Variants in CRTAC1 observed in about 807,000 individuals in gnomAD.
The protein encoded by CRTAC1 is cartilage acidic protein 1.
CRTAC1 carries 37 observed loss-of-function variants against 67.8 expected under a neutral mutation model. That is an observed-to-expected ratio of 0.55 (90% CI 0.42 to 0.72). The LOEUF (loss-of-function observed/expected upper bound fraction) is 0.72, where lower values mean the gene tolerates loss of function less well. CRTAC1 is among the 30% of genes least tolerant of loss of function. The pLI, the probability that CRTAC1 is intolerant of heterozygous loss-of-function variation, is 0.00. For synonymous variants in CRTAC1, 348 were observed against 371.0 expected, an observed-to-expected ratio of 0.94 and a Z score of 0.71; for missense variants, 780 against 931.6, an observed-to-expected ratio of 0.84 and a Z score of 2.12.
intron 8 of CRTAC1, among the ~76,000 whole-genome samples, chr10:97,898,768 T>A (rs2050495053): frequency 6.6e-6 from 1 of 151,944 alleles, no homozygotes; most frequent in South Asian, 2.1e-4. Context: ...AGTGGTGTCA[T>A]GGTGGAGAGT....
intron 5 of CRTAC1, among the ~76,000 whole-genome samples, chr10:97,909,674 C>T (rs1203852600): frequency 6.6e-6 from 1 of 152,078 alleles, no homozygotes; most frequent in Non-Finnish European, 1.5e-5. Context: ...ATAGAACTGC[C>T]ATATGATCCA....
At chr10:97,892,489 A>G (rs75465425) in intron 11 of CRTAC1, among the ~76,000 whole-genome samples, 2,838 of 152,348 alleles carry the variant, frequency 0.019, 87 homozygotes, top group African/African-American at 0.061. Context: ...AGCCACAGTC[A>G]GGAACTCAGA....
At chr10:97,997,126 C>T (rs1391886826) in intron 2 of CRTAC1, among the ~76,000 whole-genome samples, 1 of 149,344 alleles carries the variant, frequency 6.7e-6, no homozygotes, top group Non-Finnish European at 1.5e-5. Context: ...AGGAGATATA[C>T]CTAATGCTAA....
chr10:97,985,509 A>G (rs1050280349), intron 2 of CRTAC1, among the ~76,000 whole-genome samples: 2 of 152,056 alleles, frequency 1.3e-5, no homozygotes, highest in Non-Finnish European at 1.5e-5. Context: ...CCTAATGAAG[A>G]GAGCAGGTGC....
chr10:98,023,486 G>C (rs972559085), intron 1 of CRTAC1, among the ~76,000 whole-genome samples: 1 of 152,112 alleles, frequency 6.6e-6, no homozygotes, highest in Non-Finnish European at 1.5e-5. Flanking sequence ...AACAAATGAC[G>C]GTGTCTCCCT....
chr10:97,956,671 A>G (rs2051447088), intron 2 of CRTAC1, among the ~76,000 whole-genome samples: 2 of 146,106 alleles, frequency 1.4e-5, no homozygotes, highest in African/African-American at 4.9e-5. Context: ...ACTGAAATCT[A>G]CAACTGTAGG....
At chr10:97,977,959 T>A (rs889057749) in intron 2 of CRTAC1, among the ~76,000 whole-genome samples, 1 of 152,162 alleles carries the variant, frequency 6.6e-6, no homozygotes, top group Non-Finnish European at 1.5e-5. Context: ...CTTTACCACC[T>A]CTTCCTGAGG....
chr10:97,869,414 G>C (rs1564869938), intron 14 of CRTAC1: 1 of 152,500 alleles, frequency 6.6e-6, no homozygotes, highest in Non-Finnish European at 1.5e-5. Flanking sequence ...GCCAGCCAGG[G>C]ACAGGCCCCA....
intron 2 of CRTAC1, among the ~76,000 whole-genome samples, chr10:97,997,150 G>A (rs1388383472): frequency 1.2e-4 from 17 of 147,750 alleles, no homozygotes; most frequent in African/African-American, 3.5e-4. Context: ...ATGAGTTAAT[G>A]GGTGCAGCAC....
chr10:97,915,199 C>G (rs2050741647), intron 5 of CRTAC1, among the ~76,000 whole-genome samples: 1 of 152,214 alleles, frequency 6.6e-6, no homozygotes, highest in East Asian at 1.9e-4. Flanking sequence ...CCCTCACAGC[C>G]CCTCCTGTCT....
intron 1 of CRTAC1, among the ~76,000 whole-genome samples, chr10:98,028,276 T>C (rs1282229719): frequency 6.6e-6 from 1 of 152,246 alleles, no homozygotes; most frequent in East Asian, 1.9e-4. Flanking sequence ...GGCTGTAGCC[T>C]GAGCTGCCTT....
At chr10:98,026,217 G>A (rs1000495691) in intron 1 of CRTAC1, among the ~76,000 whole-genome samples, 3 of 152,174 alleles carry the variant, frequency 2.0e-5, no homozygotes, top group African/African-American at 7.2e-5. Context: ...AGCAGAGAAG[G>A]AAACTGAGGC....
chr10:97,901,396 C>A (rs947755520), intron 8 of CRTAC1, 107 bp downstream of exon 8: 48 of 1,393,764 alleles, frequency 3.4e-5, no homozygotes, highest in Non-Finnish European at 4.6e-5. Context: ...TGGCCTGACC[C>A]CCTGGCCCTG....
At chr10:97,959,873 C>T (rs1342050681) in intron 2 of CRTAC1, among the ~76,000 whole-genome samples, 1 of 152,246 alleles carries the variant, frequency 6.6e-6, no homozygotes, top group Non-Finnish European at 1.5e-5. Flanking sequence ...AGTAGTCACA[C>T]AGACAGCATT....
chr10:97,997,760 T>C (rs1235841391), intron 2 of CRTAC1, among the ~76,000 whole-genome samples: 3 of 152,146 alleles, frequency 2.0e-5, no homozygotes, highest in South Asian at 4.1e-4. Context: ...AAAAAACGGT[T>C]TTTGAAATGA....
chr10:98,009,561 C>G (rs1842867390), intron 2 of CRTAC1, among the ~76,000 whole-genome samples: 1 of 152,184 alleles, frequency 6.6e-6, no homozygotes, highest in African/African-American at 2.4e-5. Flanking sequence ...GAAAGTGGGT[C>G]TGTGTAAAGT....
chr10:97,945,986 C>A lies in CRTAC1; in HGVS notation c.225-9620G>T, dbSNP rs141616963. ...TCTTATATTTTCATGAGCATAGAGGCACACAGAAGGCAGGGACTATCCTAT... is the reference window on the plus strand; with the variant it reads ...TCTTATATTTTCATGAGCATAGAGGAACACAGAAGGCAGGGACTATCCTAT... On this transcript the variant is annotated intron_variant, in intron 2 of 14. Coordinates refer to ENST00000370597, the MANE Select transcript of CRTAC1 (RefSeq NM_018058.7). 6.7e-4 allele frequency among the ~76,000 whole-genome samples: 102 copies of A among 152,306 alleles called. 3 individuals are homozygous for A. The East Asian group carries it at 0.018, about 27-fold the overall frequency.
At chr10:98,021,332 T>A (rs7085375) in intron 1 of CRTAC1, among the ~76,000 whole-genome samples, 1,906 of 152,196 alleles carry the variant, frequency 0.013, 48 homozygotes, top group African/African-American at 0.04. Context: ...CTCTAGACAC[T>A]GCCTGCAGCA....
intron 2 of CRTAC1, among the ~76,000 whole-genome samples, chr10:97,969,666 T>C (rs756123276): frequency 1.3e-5 from 2 of 152,138 alleles, no homozygotes; most frequent in Non-Finnish European, 2.9e-5. Context: ...AGATAGACCA[T>C]GGACGACCCC....
Sources: allele counts gnomAD v4.1 joint callset (sites outside exome capture counted in the v4.1 genomes callset), GRCh38; gene constraint gnomAD v4.1.1; transcripts MANE v1.5; gene names NCBI Gene and HGNC (gene_info 2026-07-23, HGNC 2026-07-21).